The following HS3ST4 variants were observed in gnomAD, a reference collection of about 807,000 sequenced individuals.
HS3ST4 encodes heparan sulfate-glucosamine 3-sulfotransferase 4, also known as heparan sulfate glucosamine 3-O-sulfotransferase 4.
A neutral mutation model predicts 29.2 loss-of-function variants in HS3ST4; 17 were observed. That is an observed-to-expected ratio of 0.58 (90% confidence interval 0.40 to 0.87). The LOEUF is 0.87. Ranked by LOEUF, HS3ST4 falls within the 40% of genes least tolerant of loss-of-function variation. HS3ST4 has a pLI of 0.00. For missense variants in HS3ST4, 627 were observed against 634.5 expected, an observed-to-expected ratio of 0.99 and a Z score of 0.13; for synonymous variants, 314 against 285.7, an observed-to-expected ratio of 1.10 and a Z score of -1.00.
chr16:25,755,357 G>A (rs1013718331), intron 1 of HS3ST4, among the ~76,000 whole-genome samples: 2 of 152,196 alleles, frequency 1.3e-5, no homozygotes, highest in African/African-American at 4.8e-5. Flanking sequence ...AACTGTGGAG[G>A]TGACATTCCG....
chr16:26,039,235 A>T (rs1304738836), intron 1 of HS3ST4, among the ~76,000 whole-genome samples: 2 of 152,216 alleles, frequency 1.3e-5, no homozygotes, highest in Non-Finnish European at 2.9e-5. Flanking sequence ...ACATTATTAA[A>T]TATAGGTAAA....
chr16:26,005,166 C>T (rs569764031), intron 1 of HS3ST4, among the ~76,000 whole-genome samples: 1 of 152,184 alleles, frequency 6.6e-6, no homozygotes, highest in South Asian at 2.1e-4. Flanking sequence ...TGAATTTGTC[C>T]TAGAGCTAGC....
chr16:26,032,862 T>G, intron 1 of HS3ST4: 1 of 1,550,212 alleles, frequency 6.5e-7, no homozygotes, highest in Non-Finnish European at 8.8e-7. Flanking sequence ...CGGGATGCAG[T>G]GGCGCGCGGG....
chr16:25,846,701 T>A (rs1034920188), intron 1 of HS3ST4, among the ~76,000 whole-genome samples: 2 of 152,030 alleles, frequency 1.3e-5, no homozygotes, highest in Non-Finnish European at 2.9e-5. Flanking sequence ...TTAAAAAAAT[T>A]TTCTAATATA....
chr16:25,970,326 T>C (rs987661288), intron 1 of HS3ST4, among the ~76,000 whole-genome samples: 1 of 152,226 alleles, frequency 6.6e-6, no homozygotes, highest in Non-Finnish European at 1.5e-5. Context: ...ACCTTGAACA[T>C]AATAAGTGCT....
At chr16:25,931,253 A>G (rs1432416085) in intron 1 of HS3ST4, among the ~76,000 whole-genome samples, 1 of 152,244 alleles carries the variant, frequency 6.6e-6, no homozygotes, top group Non-Finnish European at 1.5e-5. Flanking sequence ...ACTTGAAGGA[A>G]GAACAGGAGC....
intron 1 of HS3ST4, among the ~76,000 whole-genome samples, chr16:25,758,037 T>G (rs990443788): frequency 6.6e-6 from 1 of 152,090 alleles, no homozygotes. Context: ...CAGAATAACT[T>G]GCAGCATTAT....
intron 1 of HS3ST4, among the ~76,000 whole-genome samples, chr16:25,920,312 A>G (rs1430095936): frequency 3.3e-5 from 5 of 152,106 alleles, no homozygotes; most frequent in Non-Finnish European, 7.4e-5. Flanking sequence ...TTTTCTCAAA[A>G]CTAAACTATG....
intron 1 of HS3ST4, among the ~76,000 whole-genome samples, chr16:25,824,166 A>G (rs1396070236): frequency 1.3e-5 from 2 of 152,196 alleles, no homozygotes; most frequent in South Asian, 2.1e-4. Context: ...AGACACAGAA[A>G]CAGGGAGGTC....
chr16:25,748,637 G>A (rs1338680515), intron 1 of HS3ST4, among the ~76,000 whole-genome samples: 1 of 151,998 alleles, frequency 6.6e-6, no homozygotes, highest in African/African-American at 2.4e-5. Flanking sequence ...AATTTTCTAT[G>A]CAAAAAGGGT....
chr16:25,704,638 G>T (rs1376262787), intron 1 of HS3ST4, among the ~76,000 whole-genome samples: 1 of 151,996 alleles, frequency 6.6e-6, no homozygotes, highest in African/African-American at 2.4e-5. Flanking sequence ...ATTGCTTTGG[G>T]AGGCCGAGGC....
intron 1 of HS3ST4, among the ~76,000 whole-genome samples, chr16:25,717,415 T>C (rs1222355602): frequency 1.3e-5 from 2 of 151,912 alleles, no homozygotes; most frequent in Non-Finnish European, 2.9e-5. Flanking sequence ...TTTGAGCATA[T>C]TTAGTGAGAG....
At chr16:25,809,074 A>G (rs754652038) in intron 1 of HS3ST4, among the ~76,000 whole-genome samples, 10 of 152,054 alleles carry the variant, frequency 6.6e-5, no homozygotes, top group Non-Finnish European at 1.2e-4. Context: ...TCCGATATCT[A>G]TAGCTTTTCT....
At chr16:26,042,258 T>C (rs1373745638) in intron 1 of HS3ST4, among the ~76,000 whole-genome samples, 1 of 152,224 alleles carries the variant, frequency 6.6e-6, no homozygotes, top group Non-Finnish European at 1.5e-5. Context: ...ACTCTGAAAT[T>C]AGTCAAAGAC....
intron 1 of HS3ST4, among the ~76,000 whole-genome samples, chr16:26,053,147 A>G (rs545731916): frequency 6.6e-6 from 1 of 152,346 alleles, no homozygotes; most frequent in East Asian, 1.9e-4. Context: ...AGATGCTTTC[A>G]GCTCTTCCAT....
chr16:26,017,102 C>A (rs1389917308), intron 1 of HS3ST4, among the ~76,000 whole-genome samples: 1 of 152,232 alleles, frequency 6.6e-6, no homozygotes, highest in African/African-American at 2.4e-5. Context: ...CAAACACTTG[C>A]ATTCAGCAAC....
chr16:25,981,170 C>T (rs1278548732), intron 1 of HS3ST4, among the ~76,000 whole-genome samples: 1 of 151,978 alleles, frequency 6.6e-6, no homozygotes, highest in East Asian at 1.9e-4. Flanking sequence ...CCAGCCTGGC[C>T]AACATGGTGA....
chr16:26,118,525 C>T (rs4129576), intron 1 of HS3ST4, among the ~76,000 whole-genome samples: 56,398 of 152,040 alleles, frequency 0.37, 11,438 homozygotes, highest in African/African-American at 0.52. Context: ...ACTAGCCATT[C>T]GTAACTACTG....
intron 1 of HS3ST4, among the ~76,000 whole-genome samples, chr16:25,854,528 AT>A (rs1210294401): frequency 1.3e-5 from 2 of 152,048 alleles, no homozygotes. Flanking sequence ...CCGACCTCCT[AT>A]CTCATCCTGT....
Sources: gnomAD v4.1 joint callset for allele counts (sites outside exome capture counted in the v4.1 genomes callset) on GRCh38, gnomAD v4.1.1 for gene constraint, MANE v1.5 for transcripts, NCBI Gene and HGNC (gene_info 2026-07-23, HGNC 2026-07-21) for gene names.